Variants in AFAP1 observed in about 807,000 individuals in gnomAD.
The protein encoded by AFAP1 is actin filament associated protein 1, also known as actin filament-associated protein 1.
Under a neutral mutation model 93.9 loss-of-function variants are expected in AFAP1, and 75 were observed. That is an observed-to-expected ratio of 0.80 (90% CI 0.66 to 0.97). The LOEUF is 0.97. Among genes scored for constraint, AFAP1 ranks in the 50% least tolerant of loss-of-function variants. The probability of loss-of-function intolerance (pLI) is 0.00; values close to 1 mark genes in which losing one functional copy is unlikely to be tolerated. For synonymous variants in AFAP1, 517 were observed against 430.7 expected (o/e 1.20, Z -2.48); for missense variants, 1,201 against 1,050.8 (o/e 1.14, Z -1.98).
At chr4:7,839,569 T>A (rs750453734) in intron 5 of AFAP1, among the ~76,000 whole-genome samples, 1 of 152,202 alleles carries the variant, frequency 6.6e-6, no homozygotes, top group Non-Finnish European at 1.5e-5. Flanking sequence ...ATCTTCTCTT[T>A]CTGAAAGACA....
intron 14 of AFAP1, chr4:7,778,308 G>C (rs1716363609): frequency 8.6e-6 from 2 of 231,816 alleles, no homozygotes; most frequent in Non-Finnish European, 1.7e-5. Context: ...TACTGCTCTA[G>C]TGCTTGGAGG....
At chr4:7,898,305 G>C (rs1560225922) in intron 1 of AFAP1, among the ~76,000 whole-genome samples, 1 of 152,088 alleles carries the variant, frequency 6.6e-6, no homozygotes, top group African/African-American at 2.4e-5. Flanking sequence ...CTATTCGGGA[G>C]GCTGAGGCAG....
chr4:7,827,532 T>C (rs540429092), intron 6 of AFAP1, among the ~76,000 whole-genome samples: 6 of 122,612 alleles, frequency 4.9e-5, no homozygotes, highest in African/African-American at 1.9e-4. Flanking sequence ...GATAGTGCCA[T>C]TGCACTCCAG....
intron 6 of AFAP1, among the ~76,000 whole-genome samples, chr4:7,831,996 C>T (rs113101977): frequency 0.014 from 2,155 of 152,246 alleles, 49 homozygotes; most frequent in African/African-American, 0.05. Context: ...CTGACTTAGA[C>T]CCCCTGCTTG....
chr4:7,905,326 G>A (rs1319417255), intron 1 of AFAP1, among the ~76,000 whole-genome samples: 2 of 152,220 alleles, frequency 1.3e-5, no homozygotes, highest in African/African-American at 4.8e-5. Context: ...TCTTTTGGGA[G>A]ACCATCCCAT....
At chr4:7,792,559 A>G (rs1353286246) in intron 11 of AFAP1, among the ~76,000 whole-genome samples, 2 of 152,218 alleles carry the variant, frequency 1.3e-5, no homozygotes, top group African/African-American at 4.8e-5. Flanking sequence ...GCAAATGCCT[A>G]TGTGCAAATA....
chr4:7,841,977 C>G (rs1369312966), intron 5 of AFAP1, among the ~76,000 whole-genome samples: 1 of 152,108 alleles, frequency 6.6e-6, no homozygotes, highest in Non-Finnish European at 1.5e-5. Context: ...CGAAGCTTCC[C>G]TCACTGGATT....
At position 7,819,156 on chromosome 4, in the gene AFAP1, A is replaced by C; in HGVS notation, c.742T>G (p.Tyr248Asp). ...TCCACGGGGCCACTACAACCACTGT[A>C]GGCTTCTTTGATCACCTATAAAAAG... is the stretch of plus-strand genomic sequence containing the variant. ...EQWLKVIKEA[Y>D]SGCSGPVDSE... Residue 248 changes from tyrosine to aspartate, a missense_variant, in exon 7 of 18, where the codon TAC becomes GAC. Physicochemically the swap from Tyr to Asp is radical, Grantham distance 160. Transcript: ENST00000420658. The C allele has an allele frequency of 6.2e-7, 1 of 1,611,866 alleles. No individual in the cohort carries two copies. Among genetic ancestry groups the C allele is most frequent in the Non-Finnish European group, 8.5e-7 (1 of 1,179,440 alleles).
At chr4:7,846,379 T>C (rs142196354) in intron 4 of AFAP1, among the ~76,000 whole-genome samples, 101 of 152,290 alleles carry the variant, frequency 6.6e-4, no homozygotes, top group African/African-American at 2.1e-3. Flanking sequence ...AACGATGGAA[T>C]ATGGAACGAG....
intron 4 of AFAP1, among the ~76,000 whole-genome samples, chr4:7,846,164 C>T (rs759460382): frequency 1.2e-4 from 18 of 152,312 alleles, no homozygotes; most frequent in Non-Finnish European, 2.4e-4. Context: ...TCCGTGGTTA[C>T]GCTTGGCTGT....
At chr4:7,849,106 G>A (rs182978146) in intron 4 of AFAP1, among the ~76,000 whole-genome samples, 3 of 152,306 alleles carry the variant, frequency 2.0e-5, no homozygotes. Context: ...ACAAGCAAGT[G>A]TTCTCAAGGG....
chr4:7,788,881 C>T (rs1208438548), intron 11 of AFAP1: 1 of 152,350 alleles, frequency 6.6e-6, no homozygotes, highest in African/African-American at 2.4e-5. Context: ...TCTTCAGTTT[C>T]CAGCATATGC....
chr4:7,823,446 T>C (rs57563257), intron 6 of AFAP1, among the ~76,000 whole-genome samples: 22,857 of 151,988 alleles, frequency 0.15, 1,854 homozygotes, highest in East Asian at 0.26. Flanking sequence ...TTGTTTTGTG[T>C]GTTTTTTAAA....
At chr4:7,766,714 G>A (rs886900853) in intron 17 of AFAP1, among the ~76,000 whole-genome samples, 1 of 152,166 alleles carries the variant, frequency 6.6e-6, no homozygotes, top group Non-Finnish European at 1.5e-5. Context: ...TGCCCCTCGG[G>A]CACCTCCCAG....
At chr4:7,840,691 T>C (rs1017495578) in intron 5 of AFAP1, among the ~76,000 whole-genome samples, 2 of 152,094 alleles carry the variant, frequency 1.3e-5, no homozygotes, top group African/African-American at 4.8e-5. Flanking sequence ...ACTCAACTGA[T>C]CTGAAAAGGA....
intron 15 of AFAP1, 118 bp downstream of exon 15, chr4:7,774,621 C>T (rs1715898175): frequency 1.4e-6 from 2 of 1,400,252 alleles, no homozygotes; most frequent in African/African-American, 1.4e-5. Flanking sequence ...AGATAACCCA[C>T]TCTTACTAAA....
chr4:7,848,304 G>A (rs1175860661), intron 4 of AFAP1, among the ~76,000 whole-genome samples: 2 of 151,954 alleles, frequency 1.3e-5, no homozygotes, highest in African/African-American at 4.8e-5. Context: ...CTATTATGGA[G>A]ACTGAGAAAT....
intron 17 of AFAP1, among the ~76,000 whole-genome samples, chr4:7,765,645 A>G (rs893411815): frequency 6.6e-6 from 1 of 152,208 alleles, no homozygotes; most frequent in East Asian, 1.9e-4. Flanking sequence ...AGAGGAGGCA[A>G]AAGAGCAGAC....
chr4:7,861,976 T>C (rs998805953), intron 3 of AFAP1: 2 of 152,222 alleles, frequency 1.3e-5, no homozygotes, highest in Non-Finnish European at 1.5e-5. Flanking sequence ...AAGGTTACTG[T>C]GAAGGTACCT....
Sources: gnomAD v4.1 joint callset for allele counts (sites outside exome capture counted in the v4.1 genomes callset) on GRCh38, gnomAD v4.1.1 for gene constraint, MANE v1.5 for transcripts, NCBI Gene and HGNC (gene_info 2026-07-23, HGNC 2026-07-21) for gene names.